ULK4: variants seen among roughly 807,000 people sequenced by gnomAD.
ULK4 encodes the protein unc-51 like kinase 4, also known as inactive serine/threonine-protein kinase ULK4.
Under a neutral mutation model 160.6 loss-of-function variants are expected in ULK4, and 133 were observed. The ratio of observed to expected loss-of-function variants is 0.83; its 90% confidence interval spans 0.72 to 0.96. The LOEUF (loss-of-function observed/expected upper bound fraction) is 0.96, where lower values mean the gene tolerates loss of function less well. ULK4 is among the 40% of genes least tolerant of loss of function. ULK4 has a pLI of 0.00. For missense variants in ULK4, 1,580 were observed against 1,499.5 expected (o/e 1.05, Z -0.89); for synonymous variants, 534 against 539.8 (o/e 0.99, Z 0.15).
chr3:41,921,823 G>A lies in ULK4; in HGVS notation c.542-2005C>T, dbSNP rs191926996. Among the ~76,000 whole-genome samples the A allele has an allele frequency of 3.9e-5, 6 of 152,232 alleles. No homozygotes were observed. The East Asian group carries it at 1.2e-3, about 29-fold the overall frequency. Reference sequence around the variant, plus strand: ...TCAGTATTCAGTCTGATAAAATCCTGCTATCCAGACAAAGAAGTAAGGAAG... The same window carrying A: ...TCAGTATTCAGTCTGATAAAATCCTACTATCCAGACAAAGAAGTAAGGAAG... On this transcript the variant is annotated intron_variant, in intron 5 of 36. Transcript: ENST00000301831.
chr3:41,586,225 T>C (rs1325841790), intron 31 of ULK4, among the ~76,000 whole-genome samples: 1 of 152,212 alleles, frequency 6.6e-6, no homozygotes, highest in East Asian at 1.9e-4. Context: ...TTACTCACAG[T>C]AGCTAAGATA....
chr3:41,843,736 T>C (rs1353548933), intron 17 of ULK4, among the ~76,000 whole-genome samples: 2 of 152,042 alleles, frequency 1.3e-5, no homozygotes, highest in African/African-American at 4.8e-5. Flanking sequence ...TTCCACAGTG[T>C]GGAAGGGGAC....
intron 8 of ULK4, among the ~76,000 whole-genome samples, chr3:41,913,741 T>A (rs759417597): frequency 2.0e-4 from 30 of 152,042 alleles, no homozygotes; most frequent in Non-Finnish European, 3.4e-4. Context: ...GGTGGGTAGA[T>A]TGCTTGAGTC....
At chr3:41,316,920 C>T (rs949148767) in intron 35 of ULK4, among the ~76,000 whole-genome samples, 1 of 152,062 alleles carries the variant, frequency 6.6e-6, no homozygotes, top group Non-Finnish European at 1.5e-5. Flanking sequence ...TCAAATATTT[C>T]CCTCTAGACT....
Position 41,697,708 on chromosome 3 carries a change from C to T in ULK4, c.2781+7349G>A, listed in dbSNP as rs371701059. On this transcript the variant is annotated intron_variant, in intron 27 of 36. Transcript: ENST00000301831. ...TGTTGCCCAGGTTGGTCTTTGAACT[C>T]CTGGTCTCAAGTGGTTCTCCTGCCT... 1.9e-4 allele frequency among the ~76,000 whole-genome samples: 29 copies of T among 152,122 alleles called. 3 individuals carry two copies. In the South Asian group the frequency reaches 5.8e-3, roughly 30 times the overall value.
chr3:41,911,759 T>C (rs1447984688), intron 9 of ULK4, 100 bp from the exon 10 acceptor site: 2 of 871,818 alleles, frequency 2.3e-6, no homozygotes, highest in Non-Finnish European at 3.6e-6. Context: ...AAATTACACA[T>C]GACATTTAGC....
intron 31 of ULK4, among the ~76,000 whole-genome samples, chr3:41,606,485 C>T (rs147093353): frequency 2.0e-5 from 3 of 151,978 alleles, no homozygotes; most frequent in African/African-American, 7.2e-5. Flanking sequence ...TGGATAAATC[C>T]CAGAAGTGGG....
chr3:41,268,024 G>A (rs1239110547), intron 35 of ULK4, among the ~76,000 whole-genome samples: 3 of 152,144 alleles, frequency 2.0e-5, no homozygotes, highest in Non-Finnish European at 4.4e-5. Context: ...GGGTGATTTT[G>A]ACCCCCAGGA....
chr3:41,501,625 T>G (rs1016110449), intron 32 of ULK4, among the ~76,000 whole-genome samples: 2 of 152,204 alleles, frequency 1.3e-5, no homozygotes, highest in East Asian at 1.9e-4. Context: ...ATCAAGCTAA[T>G]TCACATAACT....
At chr3:41,949,593 T>C (rs190398523) in intron 2 of ULK4, among the ~76,000 whole-genome samples, 2 of 151,324 alleles carry the variant, frequency 1.3e-5, no homozygotes, top group Admixed American at 1.3e-4. Flanking sequence ...CCACCACACC[T>C]GGCTAATTTT....
Position 41,576,471 on chromosome 3 carries a change from C to G in ULK4, c.3121-10341G>C, listed in dbSNP as rs1055672995. On this transcript the variant is annotated intron_variant, in intron 31 of 36. Transcript: ENST00000301831. Reference sequence around the variant, plus strand: ...TGCAGTCCCTGGTACACAGTGGTCTCTGAAAAATTAATGAAAAAACAATCC... The same window carrying G: ...TGCAGTCCCTGGTACACAGTGGTCTGTGAAAAATTAATGAAAAAACAATCC... 2.0e-5 allele frequency among the ~76,000 whole-genome samples: 3 copies of G among 152,156 alleles called. No homozygotes were observed. In the South Asian group the frequency reaches 6.2e-4, roughly 31 times the overall value.
At chr3:41,672,623 T>C (rs1047665936) in intron 29 of ULK4, among the ~76,000 whole-genome samples, 1 of 152,186 alleles carries the variant, frequency 6.6e-6, no homozygotes, top group African/African-American at 2.4e-5. Flanking sequence ...GGAATAGTTC[T>C]ACTCTTTGAT....
At chr3:41,747,828 C>A (rs1483530733) in intron 22 of ULK4, among the ~76,000 whole-genome samples, 1 of 152,024 alleles carries the variant, frequency 6.6e-6, no homozygotes, top group African/African-American at 2.4e-5. Context: ...GAAACCAAAC[C>A]TGTCGACACC....
At position 41,700,892 on chromosome 3, in the gene ULK4, T is replaced by C. The variant is rs144395438; in HGVS notation, c.2781+4165A>G. 3.3e-5 allele frequency among the ~76,000 whole-genome samples: 5 copies of C among 151,056 alleles called. No individual in the cohort carries two copies. The East Asian group carries it at 9.8e-4, about 30-fold the overall frequency. On this transcript the variant is annotated intron_variant, in intron 27 of 36. Coordinates refer to ENST00000301831, the MANE Select transcript of ULK4 (RefSeq NM_017886.4). Reference sequence around the variant, plus strand: ...ATAAAAAGCAATACAGATTTGAAAATAAAAAAGACAAGCAGAATTTCTAGC... The same window carrying C: ...ATAAAAAGCAATACAGATTTGAAAACAAAAAAGACAAGCAGAATTTCTAGC...
At chr3:41,547,259 G>A (rs1244336297) in intron 32 of ULK4, among the ~76,000 whole-genome samples, 1 of 152,168 alleles carries the variant, frequency 6.6e-6, no homozygotes, top group African/African-American at 2.4e-5. Context: ...TTTCAAGATG[G>A]CTGACTAAAG....
rs943695572 is a variant in ULK4 at position 41,954,729 on chromosome 3, C to G, written c.31G>C (p.Gly11Arg). Residue 11 changes from glycine to arginine, a missense_variant, in exon 2 of 37, where the codon GGA becomes CGA. Transcript: ENST00000301831. Reference sequence around the variant, plus strand: ...TAGACAACAGTCTTGCTTCCTCTTCCGATCTCCTCATACAGAATAAAGTTT... The same window carrying G: ...TAGACAACAGTCTTGCTTCCTCTTCGGATCTCCTCATACAGAATAAAGTTT... MENFILYEEIGRGSKTVVYKG... is the reference protein window; with the variant it reads MENFILYEEIRRGSKTVVYKG... 4.3e-6 allele frequency: 7 copies of G among 1,613,826 alleles called. No individual in the cohort carries two copies. Among genetic ancestry groups the G allele is most frequent in the Non-Finnish European group, 5.9e-6 (7 of 1,179,900 alleles).
intron 20 of ULK4, among the ~76,000 whole-genome samples, chr3:41,795,904 G>T (rs964605171): frequency 1.2e-4 from 18 of 152,208 alleles, no homozygotes; most frequent in African/African-American, 4.3e-4. Context: ...TCTGAGAGAT[G>T]CTGATGAGTT....
chr3:41,791,298 T>C (rs1259440350), intron 20 of ULK4, among the ~76,000 whole-genome samples: 1 of 152,148 alleles, frequency 6.6e-6, no homozygotes, highest in Non-Finnish European at 1.5e-5. Context: ...CTGGCCTATT[T>C]GTGTTACTTT....
At chr3:41,590,143 C>T (rs1438578070) in intron 31 of ULK4, among the ~76,000 whole-genome samples, 1 of 151,806 alleles carries the variant, frequency 6.6e-6, no homozygotes, top group African/African-American at 2.4e-5. Flanking sequence ...GCTGGGACTA[C>T]AGGCGCCTGC....
Sources: allele counts gnomAD v4.1 joint callset (sites outside exome capture counted in the v4.1 genomes callset), GRCh38; gene constraint gnomAD v4.1.1; transcripts MANE v1.5; gene names NCBI Gene and HGNC (gene_info 2026-07-23, HGNC 2026-07-21).